The following TTC31 variants were observed in gnomAD, a reference collection of about 807,000 sequenced individuals.
TTC31 encodes tetratricopeptide repeat protein 31.
Under a neutral mutation model 60.4 loss-of-function variants are expected in TTC31, and 59 were observed. The observed-to-expected ratio is 0.98, with a 90% CI of 0.79 to 1.21. TTC31 has a LOEUF of 1.21. Among genes scored for constraint, TTC31 ranks in the 50% most tolerant of loss-of-function variants. The pLI is 0.00. For missense variants in TTC31, 672 were observed against 646.9 expected (o/e 1.04, Z -0.42); for synonymous variants, 225 against 249.6 (o/e 0.90, Z 0.93).
In TTC31 at chr2:74,484,988, T is replaced by C. The variant is rs181343738; in HGVS notation, c.129+1578T>C. Among the ~76,000 whole-genome samples, 365 of 152,150 alleles carry C rather than the reference T, an allele frequency of 2.4e-3. 2 individuals carry two copies. The highest frequency in any genetic ancestry group is 6.8e-3 in the Middle Eastern group (2 of 294). Reference sequence around the variant, plus strand: ...CTGATAATCATTTTATATCCCTTTCTTTTACCTCAAACATTTAGTTAGTCA... The same window carrying C: ...CTGATAATCATTTTATATCCCTTTCCTTTACCTCAAACATTTAGTTAGTCA... On this transcript the variant is annotated intron_variant, in intron 2 of 12. Coordinates refer to ENST00000233623, the MANE Select transcript of TTC31 (RefSeq NM_022492.6).
At chr2:74,489,667 G>A (rs969403618) in intron 2 of TTC31, among the ~76,000 whole-genome samples, 1 of 152,162 alleles carries the variant, frequency 6.6e-6, no homozygotes. Context: ...TGTTCATACT[G>A]CAGATATGAC....
chr2:74,493,297 A>G lies in TTC31; in HGVS notation c.*79A>G, dbSNP rs1167594544. The G allele has an allele frequency of 1.1e-5, 16 of 1,404,256 alleles. No homozygotes were observed. The highest frequency in any genetic ancestry group is 2.4e-5 in the East Asian group (1 of 41,534). 87.0% of individuals were successfully genotyped at this position (1,404,256 alleles called of 1,614,324 possible). A position where few individuals can be genotyped will look rare whatever the true frequency, so the allele number is the denominator to read the frequency against. On this transcript the variant is annotated 3_prime_UTR_variant, in exon 13 of 13. Coordinates refer to ENST00000233623, the MANE Select transcript of TTC31 (RefSeq NM_022492.6). ...ACATAGTGTGGTGACAGTTCACTGC[A>G]TATTTTGAGACCTTATTCTCTAGAT...
At chr2:74,490,545 C>T (rs1673726122) in intron 4 of TTC31, 72 bp downstream of exon 4, 4 of 1,528,062 alleles carry the variant, frequency 2.6e-6, no homozygotes, top group Non-Finnish European at 3.6e-6. Flanking sequence ...TCCCTATATT[C>T]TCCCCTAATT....
rs186464644 is a variant in TTC31 at position 74,485,341 on chromosome 2, A to G, written c.129+1931A>G. On this transcript the variant is annotated intron_variant, in intron 2 of 12. Transcript: ENST00000233623. Reference sequence around the variant, plus strand: ...GCCGGCCACTAAAATCTACTTCTAAATGTCTCTTGACAGAAGCCCCTCATT... The same window carrying G: ...GCCGGCCACTAAAATCTACTTCTAAGTGTCTCTTGACAGAAGCCCCTCATT... 7.8e-3 allele frequency among the ~76,000 whole-genome samples: 1,180 copies of G among 151,414 alleles called. 7 individuals are homozygous for G. The highest frequency in any genetic ancestry group is 8.0e-3 in the Non-Finnish European group (543 of 67,774).
At chr2:74,492,557 G>GACA in intron 11 of TTC31, 89 bp from the exon 12 acceptor site, 5 of 1,558,254 alleles carry the variant, frequency 3.2e-6, no homozygotes, top group Non-Finnish European at 4.4e-6. Context: ...CAATGGTTGT[G>GACA]GTACTAGGAG....
In TTC31 at chr2:74,491,600, C is replaced by T. The variant is rs750071875; in HGVS notation, c.804C>T (p.Ala268=). The T allele has an allele frequency of 8.1e-6, 13 of 1,614,070 alleles. No homozygotes were observed. The Admixed American group carries it at 1.2e-4, about 14-fold the overall frequency. ...AGGAGCCCCAAGGCAGGGGTCTGGC[C>T]CTCCAGAAGATGGGTCAAGAGGAAG... is the stretch of plus-strand genomic sequence containing the variant. ...LNQEPQGRGL[A]LQKMGQEEES... Residue 268 remains alanine, a synonymous_variant, in exon 8 of 13, where the codon GCC becomes GCT. Transcript: ENST00000233623.
In TTC31 at chr2:74,491,317, A is replaced by G; in HGVS notation, c.626A>G (p.Asp209Gly). ...EPKASTTSDG[D>G]ESPPSSPGNP... ...CAGGCCAGCACTACCTCAGATGGAGATGAGAGCCCCCCATCCAGCCCTGGA... is the reference window on the plus strand; with the variant it reads ...CAGGCCAGCACTACCTCAGATGGAGGTGAGAGCCCCCCATCCAGCCCTGGA... Residue 209 changes from aspartate to glycine, a missense_variant, in exon 7 of 13, where the codon GAT (aspartate) becomes GGT (glycine). Transcript: ENST00000233623. 6.2e-7 allele frequency: 1 copy of G among 1,614,122 alleles called. No homozygotes were observed. The highest frequency in any genetic ancestry group is 2.2e-5 in the East Asian group (1 of 44,874).
At position 74,492,983 on chromosome 2, in the gene TTC31, C is replaced by T. The variant is rs1255724821; in HGVS notation, c.1325C>T (p.Pro442Leu). 6 of 1,613,952 alleles carry T rather than the reference C, an allele frequency of 3.7e-6. No individual in the cohort carries two copies. The highest frequency in any genetic ancestry group is 4.5e-5 in the East Asian group (2 of 44,892). The change falls in exon 13 of 13, where the codon CCC becomes CTC. Residue 442 changes from proline to leucine, a missense_variant. Coordinates refer to ENST00000233623, the MANE Select transcript of TTC31 (RefSeq NM_022492.6). Reference protein sequence around the residue: ...PLSPGALQPLPHAELAPSGLP... With the variant: ...PLSPGALQPLLHAELAPSGLP... Reference sequence around the variant, plus strand: ...TCACCTGGGGCCCTCCAGCCACTTCCCCATGCTGAGCTGGCACCCTCAGGC... The same window carrying T: ...TCACCTGGGGCCCTCCAGCCACTTCTCCATGCTGAGCTGGCACCCTCAGGC...
rs770812364 is a variant in TTC31 at position 74,493,228 on chromosome 2, G to A, written c.*10G>A. On this transcript the variant is annotated 3_prime_UTR_variant, in exon 13 of 13. Transcript: ENST00000233623. ...GTCTCAGGCCAGATGAGGGGGCACC[G>A]GTCCCTCATAGGGCAGGGCCATGTA... 27 of 1,613,640 alleles carry A rather than the reference G, an allele frequency of 1.7e-5. No individual in the cohort carries two copies. The Admixed American group carries it at 3.5e-4, about 21-fold the overall frequency.
rs779142193 is a variant in TTC31, at chr2:74,483,290, C to T, written c.41-32C>T. On this transcript the variant is annotated intron_variant, in intron 1 of 12. Coordinates refer to ENST00000233623, the MANE Select transcript of TTC31 (RefSeq NM_022492.6). The stretch of plus-strand genomic sequence containing the variant: ...GACTCTAGCCCATCTGTCCCGAGCC[C>T]GCTGACGAGGCTCCGCCTTCCTTTC... 30 of 1,613,424 alleles carry T rather than the reference C, an allele frequency of 1.9e-5. No homozygotes were observed. The East Asian group carries it at 6.5e-4, about 35-fold the overall frequency.
chr2:74,484,028 G>C (rs1298005948), intron 2 of TTC31, among the ~76,000 whole-genome samples: 4 of 151,880 alleles, frequency 2.6e-5, no homozygotes, highest in Non-Finnish European at 5.9e-5. Flanking sequence ...TTGAGGTCGG[G>C]AGTTCGAGAC....
intron 2 of TTC31, among the ~76,000 whole-genome samples, chr2:74,484,551 C>T (rs1423637724): frequency 6.6e-6 from 1 of 151,954 alleles, no homozygotes; most frequent in Non-Finnish European, 1.5e-5. Flanking sequence ...CTCCGCCTCT[C>T]TGGTTCAAGC....
At chr2:74,483,262 G>A (rs1417090793) in intron 1 of TTC31, 60 bp from the exon 2 acceptor site, 2 of 1,612,878 alleles carry the variant, frequency 1.2e-6, no homozygotes, top group East Asian at 2.2e-5. Context: ...GTAGAGTGGG[G>A]AGGACTCTAG....
Position 74,492,673 on chromosome 2 carries a change from C to G in TTC31, c.1189C>G (p.Gln397Glu). ...CTTCAGAGAGGCAGCTGCTGTGTTT[C>G]AGGAAACTCTGAGAGGTGGGTCCCA... ...QRFREAAAVF[Q>E]ETLRGGSQPD... The change falls in exon 12 of 13, where the codon CAG (glutamine) becomes GAG (glutamate). Residue 397 changes from glutamine to glutamate, a missense_variant. Coordinates refer to ENST00000233623, the MANE Select transcript of TTC31 (RefSeq NM_022492.6). 1 of 1,614,174 alleles carries G rather than the reference C, an allele frequency of 6.2e-7. No homozygotes were observed. The highest frequency in any genetic ancestry group is 1.1e-5 in the South Asian group (1 of 91,082).
At chr2:74,487,982 A>G in intron 2 of TTC31, among the ~76,000 whole-genome samples, 1 of 151,844 alleles carries the variant, frequency 6.6e-6, no homozygotes, top group East Asian at 1.9e-4. Context: ...GCCCAGCCAT[A>G]TTTATTTATC....
intron 2 of TTC31, among the ~76,000 whole-genome samples, chr2:74,488,080 T>C (rs1388607453): frequency 1.3e-5 from 2 of 152,184 alleles, no homozygotes; most frequent in African/African-American, 4.8e-5. Context: ...GCTCAAACAG[T>C]CCTTCGATTT....
At position 74,483,662 on chromosome 2, in the gene TTC31, G is replaced by C. The variant is rs1044000730; in HGVS notation, c.129+252G>C. The stretch of plus-strand genomic sequence containing the variant: ...CAAGGGTCTCTGAGTTGAGGATTAG[G>C]GAGTGGGTACGAGTTCCTTGGGAAA... On this transcript the variant is annotated intron_variant, in intron 2 of 12. Coordinates refer to ENST00000233623, the MANE Select transcript of TTC31 (RefSeq NM_022492.6). The C allele has an allele frequency of 2.3e-6, 3 of 1,317,354 alleles. No homozygotes were observed. The African/African-American group carries it at 4.5e-5, about 20-fold the overall frequency. 81.6% of individuals were successfully genotyped at this position (1,317,354 alleles called of 1,614,324 possible).
intron 6 of TTC31, 31 bp from the exon 7 acceptor site, chr2:74,491,264 C>A: frequency 6.2e-7 from 1 of 1,614,064 alleles, no homozygotes. Context: ...CAAGGTGATC[C>A]CAACTCTGTA....
At chr2:74,489,090 A>G (rs1673506616) in intron 2 of TTC31, among the ~76,000 whole-genome samples, 1 of 152,144 alleles carries the variant, frequency 6.6e-6, no homozygotes, top group Admixed American at 6.6e-5. Context: ...AAGTGGCTCC[A>G]CTCCAGCACA....
Sources: allele counts gnomAD v4.1 joint callset (sites outside exome capture counted in the v4.1 genomes callset), GRCh38; gene constraint gnomAD v4.1.1; transcripts MANE v1.5; gene names NCBI Gene and HGNC (gene_info 2026-07-23, HGNC 2026-07-21).